Variants in ARID4B observed in about 807,000 individuals in gnomAD.
ARID4B encodes the protein AT-rich interactive domain-containing protein 4B.
Under a neutral mutation model 147.5 loss-of-function variants are expected in ARID4B, and 26 were observed. That is an observed-to-expected ratio of 0.18 (90% confidence interval 0.13 to 0.24). ARID4B has a LOEUF of 0.24. Ranked by LOEUF, ARID4B falls within the 10% of genes least tolerant of loss-of-function variation. The pLI, the probability that ARID4B is intolerant of heterozygous loss-of-function variation, is 1.00. For synonymous variants in ARID4B, 512 were observed against 507.9 expected, an observed-to-expected ratio of 1.01 and a Z score of -0.11; for missense variants, 1,179 against 1,511.5, an observed-to-expected ratio of 0.78 and a Z score of 3.65.
At chr1:235,202,023 T>A (rs1354917204) in intron 17 of ARID4B, among the ~76,000 whole-genome samples, 1 of 150,454 alleles carries the variant, frequency 6.6e-6, no homozygotes, top group Non-Finnish European at 1.5e-5. Context: ...TATATACATA[T>A]ATATACACAA....
intron 2 of ARID4B, among the ~76,000 whole-genome samples, chr1:235,309,033 C>T (rs1226272572): frequency 3.5e-5 from 5 of 143,474 alleles, no homozygotes; most frequent in Middle Eastern, 3.5e-3. Flanking sequence ...AAGTGAGGAG[C>T]GCCTCTTCCC....
chr1:235,173,774 A>G (rs1463948295), intron 22 of ARID4B, among the ~76,000 whole-genome samples: 1 of 21,032 alleles, frequency 4.8e-5, no homozygotes, highest in African/African-American at 2.4e-4. Context: ...AAAAAAAAAT[A>G]TATATATATA....
At chr1:235,280,426 C>G (rs1671592377) in intron 2 of ARID4B, among the ~76,000 whole-genome samples, 1 of 152,200 alleles carries the variant, frequency 6.6e-6, no homozygotes, top group South Asian at 2.1e-4. Flanking sequence ...TAAAATCAGG[C>G]TATTTGACAA....
intron 8 of ARID4B, among the ~76,000 whole-genome samples, chr1:235,234,819 A>G (rs187252851): frequency 6.6e-6 from 1 of 152,342 alleles, no homozygotes; most frequent in East Asian, 1.9e-4. Flanking sequence ...AACTGAAGGG[A>G]TACATCATGG....
At chr1:235,245,302 C>CT (rs2103081349) in intron 7 of ARID4B, among the ~76,000 whole-genome samples, 1 of 152,252 alleles carries the variant, frequency 6.6e-6, no homozygotes, top group East Asian at 1.9e-4. Flanking sequence ...TAAGAAACAT[C>CT]TAACAGTTGG....
chr1:235,265,927 T>C (rs903882360), intron 2 of ARID4B, among the ~76,000 whole-genome samples: 1 of 152,048 alleles, frequency 6.6e-6, no homozygotes, highest in African/African-American at 2.4e-5. Flanking sequence ...CTTTACAACC[T>C]GGGAGGCAAT....
At chr1:235,292,481 T>C (rs1243607754) in intron 2 of ARID4B, among the ~76,000 whole-genome samples, 1 of 152,084 alleles carries the variant, frequency 6.6e-6, no homozygotes, top group South Asian at 2.1e-4. Context: ...CCAGTTGTGG[T>C]GGCTCATGCC....
chr1:235,199,529 C>T (rs1426874779), intron 17 of ARID4B, among the ~76,000 whole-genome samples: 2 of 152,160 alleles, frequency 1.3e-5, no homozygotes, highest in Middle Eastern at 3.2e-3. Flanking sequence ...AAAGACAGTG[C>T]TTGCCAAAAA....
Position 235,196,073 on chromosome 1 carries a change from A to T in ARID4B, c.1884T>A (p.Ala628=). 1 of 1,600,860 alleles carries T rather than the reference A, an allele frequency of 6.2e-7. No individual in the cohort carries two copies. Residue 628 remains alanine, a synonymous_variant, in exon 18 of 24, where the codon GCT becomes GCA. Coordinates refer to ENST00000264183, the MANE Select transcript of ARID4B (RefSeq NM_016374.6). Reference sequence around the variant, plus strand: ...GTTTTATCTTTGGCACATTTTTATCAGCAGGTCTTACTATTTTATCTGCTT... The same window carrying T: ...GTTTTATCTTTGGCACATTTTTATCTGCAGGTCTTACTATTTTATCTGCTT... ...WIKADKIVRP[A]DKNVPKIKHR...
intron 8 of ARID4B, 112 bp from the exon 9 acceptor site, chr1:235,234,604 T>C: frequency 1.4e-6 from 1 of 734,136 alleles, no homozygotes; most frequent in African/African-American, 1.9e-5. Flanking sequence ...AAACTAATTT[T>C]AGTTTGAGGG....
At chr1:235,302,758 G>A (rs1673272017) in intron 2 of ARID4B, among the ~76,000 whole-genome samples, 1 of 151,994 alleles carries the variant, frequency 6.6e-6, no homozygotes. Flanking sequence ...TGCTTTACAT[G>A]GATTACCTCA....
chr1:235,243,691 G>A (rs897855043), intron 7 of ARID4B, among the ~76,000 whole-genome samples: 2 of 152,068 alleles, frequency 1.3e-5, no homozygotes, highest in Non-Finnish European at 2.9e-5. Flanking sequence ...AGAAACAAGA[G>A]GCTCAACCTT....
intron 19 of ARID4B, among the ~76,000 whole-genome samples, chr1:235,191,056 C>A (rs1301754912): frequency 1.3e-5 from 2 of 152,146 alleles, no homozygotes; most frequent in Non-Finnish European, 2.9e-5. Context: ...CCAGCTCTCC[C>A]TTCCATGTCT....
chr1:235,299,577 C>T (rs1351523795), intron 2 of ARID4B, among the ~76,000 whole-genome samples: 1 of 152,198 alleles, frequency 6.6e-6, no homozygotes, highest in African/African-American at 2.4e-5. Context: ...AAATTAACAC[C>T]AGCCTCTAAT....
In ARID4B at chr1:235,219,860, C is replaced by T. The variant is rs190949596; in HGVS notation, c.1516G>A (p.Asp506Asn). ...AGGGATTCATCTACCCTAGTTGTGT[C>T]ATCATCTTTGTCATCCAGATTTTCA... Reference protein sequence around the residue: ...DNENLDDKDDDTTRVDESLNI... With the variant: ...DNENLDDKDDNTTRVDESLNI... Residue 506 changes from aspartate (D) to asparagine (N), a missense_variant, in exon 16 of 24, where the codon GAC becomes AAC. Asp to Asn is a conservative substitution (Grantham distance 23). Around this residue, in one of 10 missense-constraint regions of ARID4B, gnomAD observed 204 missense variants for 210.9 expected, o/e 0.97. Transcript: ENST00000264183. The T allele has an allele frequency of 8.1e-6, 13 of 1,609,354 alleles. No individual in the cohort carries two copies. Among genetic ancestry groups the T allele is most frequent in the Middle Eastern group, 1.7e-4 (1 of 6,048 alleles).
chr1:235,190,605 C>A lies in ARID4B; in HGVS notation c.2125+3408G>T, dbSNP rs1028689737. Among the ~76,000 whole-genome samples the A allele has an allele frequency of 1.3e-3, 194 of 152,182 alleles. 1 individual carries two copies. The highest frequency in any genetic ancestry group is 4.6e-3 in the African/African-American group (190 of 41,512). ...ACAATTCAACACTGCCAATAAAATA[C>A]TGAAGGAAAAACTTCCAATCCAGCC... On this transcript the variant is annotated intron_variant, in intron 19 of 23. Transcript: ENST00000264183.
intron 23 of ARID4B, among the ~76,000 whole-genome samples, chr1:235,169,303 C>T (rs1395437636): frequency 4.0e-5 from 6 of 151,628 alleles, no homozygotes; most frequent in African/African-American, 1.5e-4. Context: ...TGCAGTGGCT[C>T]GATCTTGGCT....
At chr1:235,291,484 C>T (rs1021500401) in intron 2 of ARID4B, among the ~76,000 whole-genome samples, 4 of 151,760 alleles carry the variant, frequency 2.6e-5, no homozygotes, top group African/African-American at 9.7e-5. Flanking sequence ...GATTTTTACA[C>T]TTAGAATGGT....
intron 17 of ARID4B, among the ~76,000 whole-genome samples, chr1:235,210,422 C>A (rs1292028029): frequency 1.3e-5 from 2 of 151,910 alleles, no homozygotes; most frequent in Non-Finnish European, 2.9e-5. Flanking sequence ...AAGCTGAAGA[C>A]CCTAAAAATA....
Sources: allele counts gnomAD v4.1 joint callset (sites outside exome capture counted in the v4.1 genomes callset), GRCh38; gene constraint gnomAD v4.1.1; regional missense constraint gnomAD v4.1.1; transcripts MANE v1.5; gene names NCBI Gene and HGNC (gene_info 2026-07-23, HGNC 2026-07-21).